TMC1: variants seen among roughly 807,000 people sequenced by gnomAD.
The protein encoded by TMC1 is transmembrane channel-like protein 1.
TMC1 carries 84 observed loss-of-function variants against 105.8 expected under a neutral mutation model. The ratio of observed to expected loss-of-function variants is 0.79; its 90% CI spans 0.67 to 0.95. TMC1 has a LOEUF of 0.95. TMC1 is among the 40% of genes least tolerant of loss of function. The probability of loss-of-function intolerance (pLI) is 0.00; values close to 1 mark genes in which losing one functional copy is unlikely to be tolerated. For missense variants in TMC1, 817 were observed against 914.1 expected, an observed-to-expected ratio of 0.89 and a Z score of 1.37; for synonymous variants, 315 against 311.5, an observed-to-expected ratio of 1.01 and a Z score of -0.12.
At chr9:72,746,096 G>A (rs1029987621) in intron 10 of TMC1, among the ~76,000 whole-genome samples, 17 of 152,136 alleles carry the variant, frequency 1.1e-4, no homozygotes, top group Non-Finnish European at 1.6e-4. Context: ...AATAAAGTTG[G>A]TTAAGTGTGT....
chr9:72,583,151 G>A lies in TMC1; in HGVS notation c.-306+5128G>A, dbSNP rs149097313. On this transcript the variant is annotated intron_variant, in intron 2 of 23. Coordinates refer to ENST00000297784, the MANE Select transcript of TMC1 (RefSeq NM_138691.3). Reference sequence around the variant, plus strand: ...GTAGGAGAATCACTTGAACCTGGGAGGCGGAGGTTGCAATGAGCTGAGATT... The same window carrying A: ...GTAGGAGAATCACTTGAACCTGGGAAGCGGAGGTTGCAATGAGCTGAGATT... 7.1e-3 allele frequency among the ~76,000 whole-genome samples: 1,084 copies of A among 152,272 alleles called. 16 individuals carry two copies. Among genetic ancestry groups the A allele is most frequent in the African/African-American group, 0.025 (1,044 of 41,550 alleles).
intron 8 of TMC1, among the ~76,000 whole-genome samples, chr9:72,714,570 G>A (rs977114418): frequency 4.5e-4 from 67 of 150,454 alleles, no homozygotes; most frequent in African/African-American, 1.3e-3. Flanking sequence ...CTGTTTTGTC[G>A]GAGACTAGGA....
At chr9:72,811,863 C>G (rs1828711458) in intron 18 of TMC1, among the ~76,000 whole-genome samples, 1 of 152,134 alleles carries the variant, frequency 6.6e-6, no homozygotes, top group Non-Finnish European at 1.5e-5. Flanking sequence ...CAATGTACTG[C>G]TTATTTTGTA....
chr9:72,597,951 T>C (rs924864083), intron 2 of TMC1, among the ~76,000 whole-genome samples: 1 of 152,038 alleles, frequency 6.6e-6, no homozygotes, highest in Non-Finnish European at 1.5e-5. Context: ...GCCACACTCA[T>C]CCCCTTTGCT....
chr9:72,808,334 G>A (rs1017807332), intron 18 of TMC1, among the ~76,000 whole-genome samples: 2 of 152,182 alleles, frequency 1.3e-5, no homozygotes, highest in African/African-American at 4.8e-5. Flanking sequence ...TGTTGCCCTA[G>A]AGCTAGGAAT....
chr9:72,828,575 G>C (rs984080098), intron 21 of TMC1, among the ~76,000 whole-genome samples: 2 of 152,190 alleles, frequency 1.3e-5, no homozygotes, highest in African/African-American at 4.8e-5. Context: ...GGTTTAAAAG[G>C]AATTCACACT....
intron 8 of TMC1, among the ~76,000 whole-genome samples, chr9:72,703,586 C>T (rs1015356659): frequency 2.0e-5 from 3 of 152,220 alleles, no homozygotes; most frequent in African/African-American, 7.2e-5. Context: ...CATTCTCAAA[C>T]AATCCATATT....
intron 5 of TMC1, among the ~76,000 whole-genome samples, chr9:72,677,102 G>A (rs1245261473): frequency 6.7e-6 from 1 of 150,206 alleles, no homozygotes; most frequent in African/African-American, 2.5e-5. Context: ...TCCTTTGTTA[G>A]CCAGGGCACT....
rs570283132 is a variant in TMC1, at chr9:72,523,258, AGAG to A, written c.-428+1351_-428+1353del. On this transcript the variant is annotated intron_variant, in intron 1 of 23. Coordinates refer to ENST00000297784, the MANE Select transcript of TMC1 (RefSeq NM_138691.3). ...AATGAAGGAGAAGGGATAAGGAAGA[AGAG>A]GAGGAAGGAGGGAGGAAGAGTGAGG... Among the ~76,000 whole-genome samples, 270 of 152,188 alleles carry A rather than the reference AGAG, an allele frequency of 1.8e-3. 1 individual carries two copies. The highest frequency in any genetic ancestry group is 6.2e-3 in the African/African-American group (259 of 41,528).
At chr9:72,648,744 T>G in intron 5 of TMC1, 80 bp downstream of exon 5, 1 of 1,342,996 alleles carries the variant, frequency 7.4e-7, no homozygotes, top group Middle Eastern at 1.8e-4. Context: ...TTTGGAAAGT[T>G]TGTTTTACAA....
chr9:72,821,254 G>A (rs1828867714), intron 20 of TMC1, among the ~76,000 whole-genome samples, 173 bp downstream of exon 20: 1 of 152,172 alleles, frequency 6.6e-6, no homozygotes, highest in Admixed American at 6.5e-5. Context: ...AGCACTTTGG[G>A]AGGCTGAGGC....
intron 4 of TMC1, among the ~76,000 whole-genome samples, chr9:72,634,924 C>T (rs1825509096): frequency 6.6e-6 from 1 of 152,188 alleles, no homozygotes; most frequent in Non-Finnish European, 1.5e-5. Context: ...ATCACCCTCT[C>T]AGCACCTCCA....
chr9:72,737,303 G>A (rs1330757693), intron 8 of TMC1, among the ~76,000 whole-genome samples: 1 of 152,142 alleles, frequency 6.6e-6, no homozygotes, highest in Non-Finnish European at 1.5e-5. Flanking sequence ...ACAAGGTCAC[G>A]GTTTCAAAAC....
chr9:72,593,909 G>A (rs1824678907), intron 2 of TMC1, among the ~76,000 whole-genome samples: 1 of 152,028 alleles, frequency 6.6e-6, no homozygotes, highest in African/African-American at 2.4e-5. Context: ...CCATCAAAGG[G>A]CCCCCTTCTC....
At chr9:72,826,717 C>CA in intron 20 of TMC1, 152 bp from the exon 21 acceptor site, 1 of 779,516 alleles carries the variant, frequency 1.3e-6, no homozygotes, top group Non-Finnish European at 2.2e-6. Context: ...TACATGAGGT[C>CA]AAAGTGTCAG....
At chr9:72,584,267 C>CTTTTT (rs11374672) in intron 2 of TMC1, among the ~76,000 whole-genome samples, 22 of 138,164 alleles carry the variant, frequency 1.6e-4, no homozygotes, top group African/African-American at 5.4e-4. Flanking sequence ...AATGTCACTA[C>CTTTTT]TTTTTTTTTT....
In TMC1 at chr9:72,609,228, C is replaced by CCTTCCTTG. The variant is rs1554715359; in HGVS notation, c.-305-7137_-305-7136insCCTTGCTT. Among the ~76,000 whole-genome samples, 4 of 142,170 alleles carry CCTTCCTTG rather than the reference C, an allele frequency of 2.8e-5. No homozygotes were observed. The Admixed American group carries it at 2.9e-4, about 10-fold the overall frequency. 93.3% of individuals were successfully genotyped at this position (142,170 alleles called of 152,430 possible). On this transcript the variant is annotated intron_variant, in intron 2 of 23. Coordinates refer to ENST00000297784, the MANE Select transcript of TMC1 (RefSeq NM_138691.3). The stretch of plus-strand genomic sequence containing the variant: ...TCCTTCCTTCCTTCCTTCCTTCCTT[C>CCTTCCTTG]CTTTTTGCTATTAAAAATTCCTCAA...
intron 5 of TMC1, among the ~76,000 whole-genome samples, chr9:72,652,614 C>CG (rs1478612408): frequency 2.6e-5 from 4 of 152,072 alleles, no homozygotes; most frequent in Non-Finnish European, 1.5e-5. Flanking sequence ...CGGACCAACC[C>CG]GGGGAACGTC....
chr9:72,743,384 A>AT (rs1827428690), intron 10 of TMC1, among the ~76,000 whole-genome samples: 1 of 150,316 alleles, frequency 6.7e-6, no homozygotes, highest in South Asian at 2.1e-4. Flanking sequence ...AAAAAAAATA[A>AT]AAAAAATAAA....
Sources: gnomAD v4.1 joint callset for allele counts (sites outside exome capture counted in the v4.1 genomes callset) on GRCh38, gnomAD v4.1.1 for gene constraint, MANE v1.5 for transcripts, NCBI Gene and HGNC (gene_info 2026-07-23, HGNC 2026-07-21) for gene names.